The following ZNF594 variants were observed in gnomAD, a reference collection of about 807,000 sequenced individuals.
The protein encoded by ZNF594 is zinc finger protein HZF18.
For missense variants in ZNF594, 1,037 were observed against 964.6 expected, an observed-to-expected ratio of 1.08 and a Z score of -0.99; for synonymous variants, 336 against 309.4, an observed-to-expected ratio of 1.09 and a Z score of -0.90.
At chr17:5,176,950 C>CT (rs2074312044), downstream of ZNF594, among the ~76,000 whole-genome samples, 1 of 152,046 alleles carries the variant, frequency 6.6e-6, no homozygotes, top group Admixed American at 6.6e-5. Context: ...AATCCCAGCA[C>CT]TTTGAGAGGC....
rs1311710968 is a variant in ZNF594, at chr17:5,181,263, C to G, written c.*570G>C. 7.4e-6 allele frequency: 12 copies of G among 1,612,432 alleles called. No individual in the cohort carries two copies. Among genetic ancestry groups the G allele is most frequent in the Non-Finnish European group, 1.0e-5 (12 of 1,178,588 alleles). On this transcript the variant is annotated 3_prime_UTR_variant, in exon 2 of 2. Transcript: ENST00000575779. The stretch of plus-strand genomic sequence containing the variant: ...TTCTCCACTGTGAATTCTATGATGT[C>G]TCAGAAGGTCTGAGCTCTGATTGAA...
Position 5,183,757 on chromosome 17 carries a change from C to G in ZNF594, c.500G>C (p.Ser167Thr). The change falls in exon 2 of 2, where the codon AGT becomes ACT. Residue 167 changes from serine (S) to threonine (T), a missense_variant. Ser to Thr is a moderately conservative substitution (Grantham distance 58). Coordinates refer to ENST00000575779, the MANE Select transcript of ZNF594 (RefSeq NM_032530.2). ...TCTCTGATGTATAATAAGATTTGAA[C>G]TTTGATTAGAGTCTTTCCCACATTC... is the stretch of plus-strand genomic sequence containing the variant. ...CNECGKDSNQ[S>T]SNLIIHQRIH... 6.2e-7 allele frequency: 1 copy of G among 1,613,172 alleles called. No individual in the cohort carries two copies. Among genetic ancestry groups the G allele is most frequent in the Non-Finnish European group, 8.5e-7 (1 of 1,179,234 alleles).
chr17:5,183,441 A>C lies in ZNF594; in HGVS notation c.816T>G (p.Cys272Trp). 1 of 1,613,964 alleles carries C rather than the reference A, an allele frequency of 6.2e-7. No homozygotes were observed. ...TGEKPYECYD[C>W]GQMFSQSSHL... ...GTGAACTTTGACTGAACATCTGTCC[A>C]CAGTCATAACATTCATAGGGTTTCT... The change falls in exon 2 of 2, where the codon TGT becomes TGG. Residue 272 changes from cysteine to tryptophan, a missense_variant. Coordinates refer to ENST00000575779, the MANE Select transcript of ZNF594 (RefSeq NM_032530.2).
At chr17:5,184,990 G>A (rs376620555) in intron 1 of ZNF594, among the ~76,000 whole-genome samples, 3 of 152,182 alleles carry the variant, frequency 2.0e-5, no homozygotes, top group South Asian at 2.1e-4. Context: ...GAATAAAAAC[G>A]TTTGGCTGTC....
At chr17:5,177,055 G>A (rs1205140820), downstream of ZNF594, among the ~76,000 whole-genome samples, 1 of 151,988 alleles carries the variant, frequency 6.6e-6, no homozygotes, top group Non-Finnish European at 1.5e-5. Context: ...AATTAGCCAG[G>A]CGGGGTGGCG....
At chr17:5,186,872 A>G (rs2074389501) in intron 1 of ZNF594, among the ~76,000 whole-genome samples, 1 of 152,224 alleles carries the variant, frequency 6.6e-6, no homozygotes, top group South Asian at 2.1e-4. Context: ...CAAGTTCCTC[A>G]TCTCCATCTG....
At chr17:5,174,673 A>C, downstream of ZNF594, 1 of 200,068 alleles carries the variant, frequency 5.0e-6, no homozygotes, top group Non-Finnish European at 1.0e-5. Flanking sequence ...CAGATGTTTT[A>C]TTTAAACAGG....
Position 5,182,197 on chromosome 17 carries a change from T to C in ZNF594, c.2060A>G (p.Asn687Ser). ...AAGGAGGGAACGCCGCCTGAAGGCA[T>C]TCCCACATTCACTGCACTGATAGGG... ...EKPYQCSECG[N>S]AFRRRSLLIQ... is the part of the protein sequence containing the mutation. Residue 687 changes from asparagine to serine, a missense_variant, in exon 2 of 2, where the codon AAT becomes AGT. Coordinates refer to ENST00000575779, the MANE Select transcript of ZNF594 (RefSeq NM_032530.2). 1 of 1,613,610 alleles carries C rather than the reference T, an allele frequency of 6.2e-7. No individual in the cohort carries two copies. Among genetic ancestry groups the C allele is most frequent in the Non-Finnish European group, 8.5e-7 (1 of 1,179,968 alleles).
In ZNF594 at chr17:5,181,196, G is replaced by A. The variant is rs749274830; in HGVS notation, c.*637C>T. 3 of 1,610,984 alleles carry A rather than the reference G, an allele frequency of 1.9e-6. No individual in the cohort carries two copies. The highest frequency in any genetic ancestry group is 1.7e-5 in the Admixed American group (1 of 60,014). On this transcript the variant is annotated 3_prime_UTR_variant, in exon 2 of 2. Coordinates refer to ENST00000575779, the MANE Select transcript of ZNF594 (RefSeq NM_032530.2). ...GATGGTGTCTAATAAGATCTGAGCTGCCCCTAAAAGATTTCCCACATTTGT... is the reference window on the plus strand; with the variant it reads ...GATGGTGTCTAATAAGATCTGAGCTACCCCTAAAAGATTTCCCACATTTGT...
At position 5,183,421 on chromosome 17, in the gene ZNF594, C is replaced by T. The variant is rs574925404; in HGVS notation, c.836G>A (p.Ser279Asn). Residue 279 changes from serine to asparagine, a missense_variant, in exon 2 of 2, where the codon AGT (serine) becomes AAT (asparagine). Physicochemically the swap from Ser to Asn is conservative, Grantham distance 46. Transcript: ENST00000575779. ...CYDCGQMFSQSSHLVPHQRIH... is the reference protein window; with the variant it reads ...CYDCGQMFSQNSHLVPHQRIH... Reference sequence around the variant, plus strand: ...TCTCTGATGTGGGACAAGGTGTGAACTTTGACTGAACATCTGTCCACAGTC... The same window carrying T: ...TCTCTGATGTGGGACAAGGTGTGAATTTTGACTGAACATCTGTCCACAGTC... The T allele has an allele frequency of 1.9e-6, 3 of 1,613,830 alleles. No individual in the cohort carries two copies. The African/African-American group carries it at 4.0e-5, about 22-fold the overall frequency.
rs1285541637 is a variant in ZNF594, at chr17:5,182,027, T to G, written c.2230A>C (p.Lys744Gln). The G allele has an allele frequency of 3.7e-6, 6 of 1,613,624 alleles. No individual in the cohort carries two copies. Among genetic ancestry groups the G allele is most frequent in the African/African-American group, 2.7e-5 (2 of 74,604 alleles). ...KLEECEKTFS[K>Q]DEELRKEQRT... is the part of the protein sequence containing the mutation. ...TGCTCTTTTCTAAGCTCCTCATCCTTGCTGAAGGTTTTCTCACATTCTTCA... is the reference window on the plus strand; with the variant it reads ...TGCTCTTTTCTAAGCTCCTCATCCTGGCTGAAGGTTTTCTCACATTCTTCA... The change falls in exon 2 of 2, where the codon AAG (lysine) becomes CAG (glutamine). Residue 744 changes from lysine (K) to glutamine (Q), a missense_variant. By Grantham distance (53) the Lys-to-Gln change is moderately conservative. Transcript: ENST00000575779.
chr17:5,185,564 C>T (rs2074380934), intron 1 of ZNF594, among the ~76,000 whole-genome samples: 1 of 152,182 alleles, frequency 6.6e-6, no homozygotes, highest in Non-Finnish European at 1.5e-5. Context: ...CCTCACATTT[C>T]AAAACCAATC....
At chr17:5,185,593 CCCT>C (rs964533641) in intron 1 of ZNF594, among the ~76,000 whole-genome samples, 12 of 152,244 alleles carry the variant, frequency 7.9e-5, no homozygotes, top group African/African-American at 2.9e-4. Flanking sequence ...CCAACAGTCC[CCCT>C]AAGTCTCATC....
Position 5,181,955 on chromosome 17 carries a change from T to C in ZNF594, c.2302A>G (p.Arg768Gly), listed in dbSNP as rs1278104697. The C allele has an allele frequency of 6.2e-7, 1 of 1,613,928 alleles. No individual in the cohort carries two copies. Among genetic ancestry groups the C allele is most frequent in the Non-Finnish European group, 8.5e-7 (1 of 1,180,006 alleles). Residue 768 changes from arginine (R) to glycine (G), a missense_variant, in exon 2 of 2, where the codon AGG becomes GGG. Physicochemically the swap from Arg to Gly is moderately radical, Grantham distance 125 (BLOSUM62 -2). Transcript: ENST00000575779. ...KKVYWCNQCS[R>G]TFQGSSDLIR... The stretch of plus-strand genomic sequence containing the variant: ...AGATCTGAGCTGCCCTGGAAGGTCC[T>C]ACTACACTGATTACACCAATAAACT...
the ZNF594 span, chr17:5,174,116 A>G: frequency 5.0e-6 from 1 of 201,588 alleles, no homozygotes; most frequent in Admixed American, 6.0e-5. Flanking sequence ...TTTTATTTTG[A>G]TATTTGTCTT....
In ZNF594 at chr17:5,181,261, G is replaced by GTCTCA. The variant is rs762151843; in HGVS notation, c.*567_*571dup. On this transcript the variant is annotated 3_prime_UTR_variant, in exon 2 of 2. Coordinates refer to ENST00000575779, the MANE Select transcript of ZNF594 (RefSeq NM_032530.2). ...TTTTCTCCACTGTGAATTCTATGAT[G>GTCTCA]TCTCAGAAGGTCTGAGCTCTGATTG... The GTCTCA allele has an allele frequency of 5.3e-5, 85 of 1,612,414 alleles. No individual in the cohort carries two copies. The highest frequency in any genetic ancestry group is 6.9e-5 in the Non-Finnish European group (81 of 1,178,562).
intron 1 of ZNF594, among the ~76,000 whole-genome samples, chr17:5,190,034 A>C (rs1218939613): frequency 3.9e-5 from 6 of 152,216 alleles, no homozygotes; most frequent in Admixed American, 3.9e-4. Context: ...TAACTAAAGA[A>C]AGATAATCAA....
rs778219660 is a variant in ZNF594, at chr17:5,183,046, T to C, written c.1211A>G (p.Tyr404Cys). 70 of 1,614,050 alleles carry C rather than the reference T, an allele frequency of 4.3e-5. 1 individual carries two copies. The Middle Eastern group carries it at 9.9e-4, about 23-fold the overall frequency. The stretch of plus-strand genomic sequence containing the variant: ...AGTTTTCCCACATTCTTTACATTCA[T>C]ATGGTTTCTCTCCTGTATGAGTTAC... Reference protein sequence around the residue: ...HQVTHTGEKPYECKECGKTFN... With the variant: ...HQVTHTGEKPCECKECGKTFN... Residue 404 changes from tyrosine (Y) to cysteine (C), a missense_variant, in exon 2 of 2, where the codon TAT (tyrosine) becomes TGT (cysteine). Physicochemically the swap from Tyr to Cys is radical, Grantham distance 194 (BLOSUM62 -2). Coordinates refer to ENST00000575779, the MANE Select transcript of ZNF594 (RefSeq NM_032530.2).
chr17:5,189,850 T>A (rs1044647334), intron 1 of ZNF594, among the ~76,000 whole-genome samples: 2 of 152,074 alleles, frequency 1.3e-5, no homozygotes, highest in Middle Eastern at 3.4e-3. Flanking sequence ...CAATAAAAAG[T>A]AGTGAGAAGT....
Sources: gnomAD v4.1 joint callset for allele counts (sites outside exome capture counted in the v4.1 genomes callset) on GRCh38, gnomAD v4.1.1 for gene constraint, MANE v1.5 for transcripts, NCBI Gene and HGNC (gene_info 2026-07-23, HGNC 2026-07-21) for gene names.